Variants in SPATA6 observed in about 807,000 individuals in gnomAD.
The protein encoded by SPATA6 is spermatogenesis associated 6, also known as spermatogenesis-associated protein 6.
In SPATA6, 56 loss-of-function variants were observed where a neutral mutation model predicts 65.3. That is an observed-to-expected ratio of 0.86 (90% CI 0.69 to 1.07). The LOEUF is 1.07. Ranked by LOEUF, SPATA6 falls within the 50% of genes least tolerant of loss-of-function variation. The pLI is 0.00. For missense variants in SPATA6, 590 were observed against 594.8 expected (o/e 0.99, Z 0.08); for synonymous variants, 199 against 213.2 (o/e 0.93, Z 0.58).
At chr1:48,364,071 G>A (rs868024139) in intron 9 of SPATA6, among the ~76,000 whole-genome samples, 58 of 151,886 alleles carry the variant, frequency 3.8e-4, no homozygotes, top group South Asian at 2.1e-4. Flanking sequence ...TTGTCCTTGC[G>A]ATAGTTTACT....
At chr1:48,445,446 G>T (rs548963540) in intron 3 of SPATA6, among the ~76,000 whole-genome samples, 2 of 151,996 alleles carry the variant, frequency 1.3e-5, no homozygotes. Flanking sequence ...GGTGAATCAC[G>T]AGGTCAGATC....
intron 9 of SPATA6, among the ~76,000 whole-genome samples, chr1:48,379,782 G>A (rs72679332): frequency 0.039 from 5,962 of 151,990 alleles, 160 homozygotes; most frequent in Non-Finnish European, 0.057. Context: ...TTATCATGGT[G>A]ACATAATAAA....
downstream of SPATA6, among the ~76,000 whole-genome samples, chr1:48,294,995 C>T (rs1644791618): frequency 6.6e-6 from 1 of 152,194 alleles, no homozygotes; most frequent in Non-Finnish European, 1.5e-5. Flanking sequence ...TGTTTAAATA[C>T]ACTTTTTGTT....
intron 3 of SPATA6, among the ~76,000 whole-genome samples, chr1:48,416,039 C>A (rs1652750500): frequency 6.6e-6 from 1 of 152,126 alleles, no homozygotes; most frequent in South Asian, 2.1e-4. Context: ...CCTGTCTCTA[C>A]AGAAAATACA....
chr1:48,372,641 C>T (rs748773360), intron 9 of SPATA6, among the ~76,000 whole-genome samples: 1 of 152,252 alleles, frequency 6.6e-6, no homozygotes, highest in African/African-American at 2.4e-5. Flanking sequence ...TGTGTGGGGG[C>T]TCCTCTGCAC....
chr1:48,414,883 A>AATT (rs1444347484), intron 3 of SPATA6, among the ~76,000 whole-genome samples: 8 of 152,224 alleles, frequency 5.3e-5, no homozygotes, highest in African/African-American at 1.2e-4. Flanking sequence ...GGAATATTGG[A>AATT]ATTACTAAAT....
chr1:48,359,795 A>G, intron 9 of SPATA6, 25 bp from the exon 10 acceptor site: 1 of 1,530,358 alleles, frequency 6.5e-7, no homozygotes, highest in Non-Finnish European at 8.9e-7. Context: ...ATATACATAT[A>G]GATATACAAA....
intron 11 of SPATA6, among the ~76,000 whole-genome samples, chr1:48,343,454 G>A (rs1033112739): frequency 5.9e-5 from 9 of 152,206 alleles, no homozygotes; most frequent in South Asian, 2.1e-4. Flanking sequence ...CAGATGAAGC[G>A]GAATGAGGAG....
chr1:48,310,734 G>C (rs2148665098), intron 11 of SPATA6, among the ~76,000 whole-genome samples: 1 of 152,182 alleles, frequency 6.6e-6, no homozygotes, highest in Non-Finnish European at 1.5e-5. Context: ...AAATCAACCA[G>C]ACCTAACAAC....
chr1:48,370,449 T>TA (rs1490438642), intron 9 of SPATA6, among the ~76,000 whole-genome samples: 2 of 152,246 alleles, frequency 1.3e-5, no homozygotes, highest in African/African-American at 4.8e-5. Context: ...TAGTGAATCT[T>TA]ACATCAAGTA....
At chr1:48,353,788 A>G (rs2148801399) in intron 11 of SPATA6, among the ~76,000 whole-genome samples, 1 of 152,168 alleles carries the variant, frequency 6.6e-6, no homozygotes, top group East Asian at 1.9e-4. Flanking sequence ...CAAATGGTTC[A>G]TATATTTAAA....
chr1:48,268,014 G>A, the SPATA6 span, among the ~76,000 whole-genome samples: 1 of 152,134 alleles, frequency 6.6e-6, no homozygotes, highest in African/African-American at 2.4e-5. Context: ...GCCTTCCAAA[G>A]TGCTGGGATT....
the SPATA6 span, among the ~76,000 whole-genome samples, chr1:48,263,646 A>G: frequency 1.3e-5 from 2 of 152,320 alleles, no homozygotes; most frequent in South Asian, 4.1e-4. Flanking sequence ...CTCTACTCAT[A>G]AAGCCTTTTC....
chr1:48,336,409 G>C lies in SPATA6; in HGVS notation c.1194+19261C>G, dbSNP rs531410372. The stretch of plus-strand genomic sequence containing the variant: ...GCCCATCAACAGTAGACTGGATAAA[G>C]AGAATGTGGTACATACATACCATGG... On this transcript the variant is annotated intron_variant, in intron 11 of 12. Coordinates refer to ENST00000371847, the MANE Select transcript of SPATA6 (RefSeq NM_019073.4). Among the ~76,000 whole-genome samples, 6 of 152,138 alleles carry C rather than the reference G, an allele frequency of 3.9e-5. No individual in the cohort carries two copies. The South Asian group carries it at 1.2e-3, about 32-fold the overall frequency.
chr1:48,427,977 C>T (rs981039357), intron 3 of SPATA6, among the ~76,000 whole-genome samples: 3 of 152,124 alleles, frequency 2.0e-5, no homozygotes, highest in Non-Finnish European at 4.4e-5. Flanking sequence ...AGAGAACACA[C>T]TGTATTTGGT....
rs1644819716 is a variant in SPATA6, at chr1:48,296,782, T to C, written c.*1931A>G. The stretch of plus-strand genomic sequence containing the variant: ...CATTTCTACAACCTAGGTATCCACA[T>C]GTACCTTAGGATGACATTGGCAGGT... On this transcript the variant is annotated 3_prime_UTR_variant, in exon 13 of 13. Transcript: ENST00000371847. The C allele has an allele frequency of 6.6e-6, 1 of 152,120 alleles. No homozygotes were observed. Among genetic ancestry groups the C allele is most frequent in the African/African-American group, 2.4e-5 (1 of 41,424 alleles). 9.4% of individuals were successfully genotyped at this position (152,120 alleles called of 1,614,324 possible).
At chr1:48,401,354 T>C (rs1651144255) in intron 6 of SPATA6, among the ~76,000 whole-genome samples, 1 of 152,122 alleles carries the variant, frequency 6.6e-6, no homozygotes, top group Non-Finnish European at 1.5e-5. Context: ...TAATACTGCA[T>C]ACTACTAGAG....
chr1:48,420,972 T>C (rs990080772), intron 3 of SPATA6, among the ~76,000 whole-genome samples: 1 of 152,068 alleles, frequency 6.6e-6, no homozygotes, highest in Non-Finnish European at 1.5e-5. Flanking sequence ...CACTCATTGA[T>C]GAAATCTAAA....
chr1:48,424,398 G>A (rs1240222991), intron 3 of SPATA6, among the ~76,000 whole-genome samples: 2 of 152,178 alleles, frequency 1.3e-5, no homozygotes, highest in African/African-American at 4.8e-5. Context: ...ATCTGTTGAT[G>A]GACGCTAAGT....
Sources: allele counts gnomAD v4.1 joint callset (sites outside exome capture counted in the v4.1 genomes callset), GRCh38; gene constraint gnomAD v4.1.1; transcripts MANE v1.5; gene names NCBI Gene and HGNC (gene_info 2026-07-23, HGNC 2026-07-21).